GRIN2B: variants seen among roughly 807,000 people sequenced by gnomAD.
GRIN2B encodes the protein glutamate ionotropic receptor NMDA type subunit 2B.
GRIN2B carries 5 observed loss-of-function variants against 114.5 expected under a neutral mutation model. The ratio of observed to expected loss-of-function variants is 0.04; its 90% CI spans 0.02 to 0.09. The LOEUF (loss-of-function observed/expected upper bound fraction) is 0.09, where lower values mean the gene tolerates loss of function less well. Ranked by LOEUF, GRIN2B falls within the 10% of genes least tolerant of loss-of-function variation. GRIN2B has a pLI of 1.00. For missense variants in GRIN2B, 1,108 were observed against 1,943.5 expected (o/e 0.57, Z 8.08); for synonymous variants, 787 against 745.1 (o/e 1.06, Z -0.92).
chr12:13,854,996 A>C (rs987098081), intron 3 of GRIN2B, among the ~76,000 whole-genome samples: 2 of 144,928 alleles, frequency 1.4e-5, no homozygotes, highest in Admixed American at 1.4e-4. Context: ...GGACCACCTG[A>C]GGTCAAGAGT....
intron 2 of GRIN2B, among the ~76,000 whole-genome samples, chr12:13,938,320 A>C (rs1263386247): frequency 6.6e-6 from 1 of 152,130 alleles, no homozygotes; most frequent in African/African-American, 2.4e-5. Flanking sequence ...TATGTTATTT[A>C]TAAGAAAAGC....
intron 2 of GRIN2B, among the ~76,000 whole-genome samples, chr12:13,916,735 A>ACAC (rs59238170): frequency 2.0e-5 from 2 of 101,904 alleles, no homozygotes; most frequent in Non-Finnish European, 4.3e-5. Flanking sequence ...ACACACACAC[A>ACAC]TTTGTGTGTG....
At chr12:13,717,254 G>A (rs1425766557) in intron 4 of GRIN2B, among the ~76,000 whole-genome samples, 1 of 151,656 alleles carries the variant, frequency 6.6e-6, no homozygotes, top group African/African-American at 2.4e-5. Flanking sequence ...AACTAGGTCT[G>A]GCCGACTCTA....
intron 4 of GRIN2B, among the ~76,000 whole-genome samples, chr12:13,727,918 C>T (rs1011076019): frequency 7.2e-5 from 11 of 152,204 alleles, no homozygotes; most frequent in Non-Finnish European, 1.3e-4. Flanking sequence ...CCTCTGCATG[C>T]ACCCCTTCTC....
chr12:13,743,850 T>G (rs569248072), intron 4 of GRIN2B, among the ~76,000 whole-genome samples: 3 of 152,242 alleles, frequency 2.0e-5, no homozygotes, highest in African/African-American at 7.2e-5. Context: ...GATAATTGGG[T>G]TTTTTGTCTA....
chr12:13,567,377 G>A (rs915680098), intron 12 of GRIN2B, 114 bp from the exon 13 acceptor site: 2 of 701,894 alleles, frequency 2.8e-6, no homozygotes, highest in African/African-American at 3.6e-5. Flanking sequence ...GACAGAAAAA[G>A]AGACAAGGAG....
In GRIN2B at chr12:13,817,971, A is replaced by G. The variant is rs188148685; in HGVS notation, c.411+47827T>C. 3.9e-5 allele frequency among the ~76,000 whole-genome samples: 6 copies of G among 152,298 alleles called. No homozygotes were observed. The East Asian group carries it at 9.6e-4, about 24-fold the overall frequency. On this transcript the variant is annotated intron_variant, in intron 3 of 13. Coordinates refer to ENST00000609686, the MANE Select transcript of GRIN2B (RefSeq NM_000834.5). ...TTTATGTATTGTAGTGGCAATTGTT[A>G]TCGTTTTTTTGTTTCTCCTATATGT... is the stretch of plus-strand genomic sequence containing the variant.
intron 2 of GRIN2B, among the ~76,000 whole-genome samples, chr12:13,907,263 G>A (rs958469601): frequency 2.0e-5 from 3 of 152,116 alleles, no homozygotes; most frequent in African/African-American, 7.2e-5. Context: ...GTCCAAGATG[G>A]ATGGATCACT....
At chr12:13,852,733 G>C (rs1456339601) in intron 3 of GRIN2B, among the ~76,000 whole-genome samples, 1 of 150,974 alleles carries the variant, frequency 6.6e-6, no homozygotes, top group Admixed American at 6.6e-5. Context: ...ATCACACGTG[G>C]CAAGAGGTCA....
At chr12:13,680,336 G>A (rs1950115913) in intron 4 of GRIN2B, among the ~76,000 whole-genome samples, 1 of 151,894 alleles carries the variant, frequency 6.6e-6, no homozygotes, top group South Asian at 2.1e-4. Context: ...CTCCAAACAT[G>A]TCATCCTCAA....
chr12:13,615,412 A>G lies in GRIN2B; in HGVS notation c.1500+81T>C, dbSNP rs922458773. On this transcript the variant is annotated intron_variant, in intron 7 of 13. Transcript: ENST00000609686. The surrounding 1 kb of genome is among the most constrained non-coding windows in gnomAD (Gnocchi z 5.8). ...ATTTTATATTTTCTGAAATGCATAA[A>G]GTGAGCACGTTTTAAACTTATATTT... 2.1e-6 allele frequency: 3 copies of G among 1,461,976 alleles called. No individual in the cohort carries two copies. Among genetic ancestry groups the G allele is most frequent in the Non-Finnish European group, 2.9e-6 (3 of 1,041,384 alleles). The allele number at this position is 1,461,976 out of a possible 1,614,324, so 90.6% of individuals were successfully genotyped here.
intron 2 of GRIN2B, among the ~76,000 whole-genome samples, chr12:13,920,178 C>T (rs1173964299): frequency 1.3e-5 from 2 of 149,424 alleles, no homozygotes; most frequent in Middle Eastern, 3.4e-3. Context: ...GCAGGAGGAT[C>T]GCTTGAGCCC....
At chr12:13,965,483 T>C (rs1348285312) in intron 2 of GRIN2B, among the ~76,000 whole-genome samples, 1 of 152,026 alleles carries the variant, frequency 6.6e-6, no homozygotes, top group African/African-American at 2.4e-5. Flanking sequence ...TCTCCTTAAT[T>C]AATGTTTTAA....
At chr12:13,913,080 T>A (rs1046446847) in intron 2 of GRIN2B, among the ~76,000 whole-genome samples, 1 of 152,066 alleles carries the variant, frequency 6.6e-6, no homozygotes, top group Non-Finnish European at 1.5e-5. Context: ...ACAGTGGCAG[T>A]GGAAAGCTAC....
intron 3 of GRIN2B, among the ~76,000 whole-genome samples, chr12:13,809,099 A>T (rs1202897799): frequency 6.6e-6 from 1 of 152,158 alleles, no homozygotes. Context: ...TAAGATGTTG[A>T]GCAGCATCCC....
chr12:13,721,908 A>G (rs1229993561), intron 4 of GRIN2B, among the ~76,000 whole-genome samples: 1 of 152,120 alleles, frequency 6.6e-6, no homozygotes, highest in East Asian at 1.9e-4. Context: ...AGATTGAAAA[A>G]CTGTCCAATA....
At chr12:13,722,526 T>A (rs186925558) in intron 4 of GRIN2B, among the ~76,000 whole-genome samples, 3 of 152,222 alleles carry the variant, frequency 2.0e-5, no homozygotes, top group Admixed American at 2.0e-4. Context: ...GGTAAGCTGG[T>A]AACTTTGGTA....
chr12:13,888,623 A>G (rs1235756811), intron 2 of GRIN2B, among the ~76,000 whole-genome samples: 1 of 151,590 alleles, frequency 6.6e-6, no homozygotes, highest in Admixed American at 6.6e-5. Context: ...GATCCCAGCT[A>G]CTCGGGAGGC....
intron 2 of GRIN2B, among the ~76,000 whole-genome samples, chr12:13,932,282 C>A (rs1867048667): frequency 2.0e-5 from 3 of 152,178 alleles, no homozygotes; most frequent in African/African-American, 7.2e-5. Flanking sequence ...ACAAATGCCA[C>A]CTGCTCCAAT....
Sources: allele counts gnomAD v4.1 joint callset (sites outside exome capture counted in the v4.1 genomes callset), GRCh38; gene constraint gnomAD v4.1.1; non-coding constraint Gnocchi (gnomAD v3.1); transcripts MANE v1.5; gene names NCBI Gene and HGNC (gene_info 2026-07-23, HGNC 2026-07-21).